The following THSD7B variants were observed in gnomAD, a reference collection of about 807,000 sequenced individuals.
The protein encoded by THSD7B is thrombospondin type 1 domain containing 7B.
A neutral mutation model predicts 213.6 loss-of-function variants in THSD7B; 138 were observed. The ratio of observed to expected loss-of-function variants is 0.65; its 90% CI spans 0.56 to 0.74. THSD7B has a LOEUF of 0.74. THSD7B is among the 30% of genes least tolerant of loss of function. The probability of loss-of-function intolerance (pLI) is 0.00; values close to 1 mark genes in which losing one functional copy is unlikely to be tolerated. For missense variants in THSD7B, 1,931 were observed against 1,991.5 expected (o/e 0.97, Z 0.58); for synonymous variants, 742 against 687.0 (o/e 1.08, Z -1.25).
chr2:137,174,907 C>T, intron 7 of THSD7B, among the ~76,000 whole-genome samples: 1 of 152,128 alleles, frequency 6.6e-6, no homozygotes, highest in Non-Finnish European at 1.5e-5. Flanking sequence ...GAGTGAGATT[C>T]AAAAATGCAA....
intron 2 of THSD7B, among the ~76,000 whole-genome samples, chr2:137,042,045 C>T (rs565341567): frequency 1.4e-4 from 22 of 152,304 alleles, no homozygotes; most frequent in African/African-American, 5.3e-4. Context: ...GGGATCTGAT[C>T]TCATGTCTCA....
chr2:137,410,154 A>G (rs1311078239), intron 13 of THSD7B, among the ~76,000 whole-genome samples: 1 of 152,178 alleles, frequency 6.6e-6, no homozygotes, highest in Non-Finnish European at 1.5e-5. Flanking sequence ...GCTGTGGTGG[A>G]AGCTGTGCTT....
At chr2:137,288,491 T>C (rs1328875202) in intron 12 of THSD7B, among the ~76,000 whole-genome samples, 1 of 152,000 alleles carries the variant, frequency 6.6e-6, no homozygotes, top group Non-Finnish European at 1.5e-5. Context: ...TTTGTAATTA[T>C]GCCAGGAAGG....
chr2:136,838,214 C>A (rs1459218157), intron 1 of THSD7B, among the ~76,000 whole-genome samples: 1 of 151,934 alleles, frequency 6.6e-6, no homozygotes, highest in Non-Finnish European at 1.5e-5. Flanking sequence ...TTGTTTGATG[C>A]TCTGGATGTG....
At chr2:137,034,286 A>G (rs1686731193) in intron 2 of THSD7B, among the ~76,000 whole-genome samples, 1 of 152,042 alleles carries the variant, frequency 6.6e-6, no homozygotes, top group Non-Finnish European at 1.5e-5. Context: ...TTGTATTTTT[A>G]GTAGAGACGG....
intron 1 of THSD7B, among the ~76,000 whole-genome samples, chr2:136,867,644 C>G (rs950944612): frequency 6.6e-6 from 1 of 152,202 alleles, no homozygotes; most frequent in Non-Finnish European, 1.5e-5. Context: ...GGAAAGTTCT[C>G]TCTCTGGTGT....
chr2:137,532,642 G>A (rs1274393807), intron 15 of THSD7B, among the ~76,000 whole-genome samples: 3 of 151,696 alleles, frequency 2.0e-5, no homozygotes, highest in Non-Finnish European at 4.4e-5. Flanking sequence ...ATGTCCCTCG[G>A]AGTTTGTTTC....
chr2:137,542,461 G>A (rs1680627216), intron 15 of THSD7B, among the ~76,000 whole-genome samples: 1 of 151,432 alleles, frequency 6.6e-6, no homozygotes, highest in Non-Finnish European at 1.5e-5. Flanking sequence ...AGTCTTTCAG[G>A]CTGAAATGAA....
At chr2:136,823,417 A>G (rs1252360934) in intron 1 of THSD7B, among the ~76,000 whole-genome samples, 2 of 152,172 alleles carry the variant, frequency 1.3e-5, no homozygotes, top group East Asian at 3.8e-4. Flanking sequence ...TTGTTTTTAT[A>G]GACATTTTGA....
intron 1 of THSD7B, among the ~76,000 whole-genome samples, chr2:136,830,042 C>G (rs991234816): frequency 6.6e-6 from 1 of 151,956 alleles, no homozygotes; most frequent in African/African-American, 2.4e-5. Context: ...AGACACAAAT[C>G]TAGTTGTGTT....
chr2:137,300,709 G>T (rs1312751080), intron 12 of THSD7B, among the ~76,000 whole-genome samples: 1 of 152,062 alleles, frequency 6.6e-6, no homozygotes, highest in African/African-American at 2.4e-5. Flanking sequence ...GCTGGAAAAA[G>T]GAAAAAGTGA....
chr2:136,877,506 A>G (rs1172453532), intron 1 of THSD7B, among the ~76,000 whole-genome samples: 1 of 152,158 alleles, frequency 6.6e-6, no homozygotes, highest in South Asian at 2.1e-4. Flanking sequence ...TGTTCTTCTC[A>G]ATATTGGTAT....
chr2:136,928,086 C>T (rs1684571087), intron 2 of THSD7B, among the ~76,000 whole-genome samples: 1 of 152,130 alleles, frequency 6.6e-6, no homozygotes, highest in South Asian at 2.1e-4. Flanking sequence ...GAGTTACATC[C>T]TGATAAGCCC....
intron 15 of THSD7B, among the ~76,000 whole-genome samples, chr2:137,469,275 G>A (rs1261321884): frequency 6.6e-6 from 1 of 152,174 alleles, no homozygotes; most frequent in African/African-American, 2.4e-5. Flanking sequence ...AATAGAGATA[G>A]CGAAGTACTA....
At chr2:137,241,870 C>G (rs1338606295) in intron 9 of THSD7B, among the ~76,000 whole-genome samples, 2 of 149,706 alleles carry the variant, frequency 1.3e-5, no homozygotes, top group Admixed American at 1.3e-4. Context: ...GATCGTGCCA[C>G]TGCACTCCAG....
intron 6 of THSD7B, among the ~76,000 whole-genome samples, chr2:137,168,657 G>A (rs938347716): frequency 1.3e-5 from 2 of 152,170 alleles, no homozygotes; most frequent in Non-Finnish European, 2.9e-5. Context: ...AGGACACCCA[G>A]AATCCTTCAT....
In THSD7B at chr2:137,642,469, A is replaced by G; in HGVS notation, c.3800-19A>G. On this transcript the variant is annotated intron_variant, in intron 20 of 27. Transcript: ENST00000409968. ...AAGCCAAACTAACTGAAAAGCTGACACCTCCCTTATCATTTTAGGTCGAAT... is the reference window on the plus strand; with the variant it reads ...AAGCCAAACTAACTGAAAAGCTGACGCCTCCCTTATCATTTTAGGTCGAAT... 1 of 1,612,550 alleles carries G rather than the reference A, an allele frequency of 6.2e-7. No individual in the cohort carries two copies. Among genetic ancestry groups the G allele is most frequent in the Non-Finnish European group, 8.5e-7 (1 of 1,179,392 alleles).
At chr2:136,797,545 G>T (rs561145254) in intron 1 of THSD7B, among the ~76,000 whole-genome samples, 2 of 152,038 alleles carry the variant, frequency 1.3e-5, no homozygotes, top group African/African-American at 4.8e-5. Context: ...GTTGCAGATG[G>T]GTAGGCCATT....
At chr2:137,367,371 A>G (rs1384513685) in intron 12 of THSD7B, among the ~76,000 whole-genome samples, 1 of 152,170 alleles carries the variant, frequency 6.6e-6, no homozygotes, top group Non-Finnish European at 1.5e-5. Flanking sequence ...AGCAGGTTAC[A>G]CAGATAGGTT....
Sources: allele counts gnomAD v4.1 joint callset (sites outside exome capture counted in the v4.1 genomes callset), GRCh38; gene constraint gnomAD v4.1.1; transcripts MANE v1.5; gene names NCBI Gene and HGNC (gene_info 2026-07-23, HGNC 2026-07-21).